The following CNN3 variants were observed in gnomAD, a reference collection of about 807,000 sequenced individuals.
CNN3 encodes the protein calponin 3.
In CNN3, 11 loss-of-function variants were observed where a neutral mutation model predicts 39.0. The observed-to-expected ratio is 0.28, with a 90% CI of 0.18 to 0.47. The LOEUF (loss-of-function observed/expected upper bound fraction) is 0.47. CNN3 is among the 20% of genes least tolerant of loss of function. The probability of loss-of-function intolerance (pLI) is 0.99; values close to 1 mark genes in which losing one functional copy is unlikely to be tolerated. For synonymous variants in CNN3, 101 were observed against 138.3 expected, an observed-to-expected ratio of 0.73 and a Z score of 1.89; for missense variants, 266 against 403.4, an observed-to-expected ratio of 0.66 and a Z score of 2.92.
chr1:94,901,552 ACC>A (rs10605235), intron 5 of CNN3, 115 bp downstream of exon 5: 344,963 of 590,702 alleles, frequency 0.58, 103,423 homozygotes, highest in Non-Finnish European at 0.64. Flanking sequence ...TATAAACTAC[ACC>A]CCCCCCCCAG....
At chr1:94,906,032 G>A (rs923480890) in intron 1 of CNN3, among the ~76,000 whole-genome samples, 5 of 152,084 alleles carry the variant, frequency 3.3e-5, no homozygotes, top group African/African-American at 1.2e-4. Context: ...ACCCAGGCTG[G>A]AGTGCAGTGG....
rs1258668553 is a variant in CNN3 at position 94,902,268 on chromosome 1, A to G, written c.247-10T>C. ...TGCCAATATTCTCCAACTATAAAGAAGAAGAGTTTTATAATTTCTGGAGCT... is the reference window on the plus strand; with the variant it reads ...TGCCAATATTCTCCAACTATAAAGAGGAAGAGTTTTATAATTTCTGGAGCT... On this transcript the variant is annotated splice_polypyrimidine_tract_variant and intron_variant, in intron 3 of 6. Coordinates refer to ENST00000370206, the MANE Select transcript of CNN3 (RefSeq NM_001839.5). 6.2e-7 allele frequency: 1 copy of G among 1,602,942 alleles called. No homozygotes were observed. The highest frequency in any genetic ancestry group is 8.5e-7 in the Non-Finnish European group (1 of 1,173,298).
At chr1:94,902,852 T>C (rs57516521) in intron 3 of CNN3, among the ~76,000 whole-genome samples, 6,507 of 152,216 alleles carry the variant, frequency 0.043, 378 homozygotes, top group African/African-American at 0.13. Flanking sequence ...CTGTGTCAAG[T>C]CCTTTCTGAA....
At chr1:94,904,861 G>A (rs141759541) in intron 1 of CNN3, among the ~76,000 whole-genome samples, 36 of 152,308 alleles carry the variant, frequency 2.4e-4, no homozygotes, top group African/African-American at 7.5e-4. Context: ...ATGCTCAGGA[G>A]ATAGAGATCA....
intron 1 of CNN3, among the ~76,000 whole-genome samples, chr1:94,922,236 G>A (rs9432412): frequency 0.057 from 8,621 of 152,144 alleles, 301 homozygotes; most frequent in South Asian, 0.092. Context: ...GCAACATAGC[G>A]AGATCAAAAA....
At chr1:94,906,896 T>C (rs1671013653) in intron 1 of CNN3, among the ~76,000 whole-genome samples, 1 of 152,238 alleles carries the variant, frequency 6.6e-6, no homozygotes, top group African/African-American at 2.4e-5. Flanking sequence ...CCAACAGATT[T>C]GGTGCCATGC....
chr1:94,925,797 T>G (rs2101746496), intron 1 of CNN3: 1 of 985,394 alleles, frequency 1.0e-6, no homozygotes, highest in Admixed American at 6.1e-5. Flanking sequence ...CAGCCCTCCT[T>G]TGTGGCGCTT....
At chr1:94,925,332 G>C (rs1315826394) in intron 1 of CNN3, among the ~76,000 whole-genome samples, 2 of 152,166 alleles carry the variant, frequency 1.3e-5, no homozygotes, top group African/African-American at 4.8e-5. Flanking sequence ...GTTTCCTAAA[G>C]TTCGGTTTGT....
rs145028297 is a variant in CNN3 at position 94,911,981 on chromosome 1, G to A, written c.58-8457C>T. Among the ~76,000 whole-genome samples, 1,162 of 151,536 alleles carry A rather than the reference G, an allele frequency of 7.7e-3. 18 individuals carry two copies. Among genetic ancestry groups the A allele is most frequent in the African/African-American group, 0.026 (1,077 of 41,278 alleles). ...TCCCAGCTACTGAGGCAGGAGAATCGCTTGAGCCTGGGAGGCGGAGGTTGC... is the reference window on the plus strand; with the variant it reads ...TCCCAGCTACTGAGGCAGGAGAATCACTTGAGCCTGGGAGGCGGAGGTTGC... On this transcript the variant is annotated intron_variant, in intron 1 of 6. Transcript: ENST00000370206.
rs1351687018 is a variant in CNN3, at chr1:94,926,534, G to C, written c.57+304C>G. On this transcript the variant is annotated intron_variant, in intron 1 of 6. Transcript: ENST00000370206. The surrounding 1 kb of genome is among the most constrained non-coding windows in gnomAD (Gnocchi z 4.2). ...GGGCGCGTTCTGCAGTCACCAAACG[G>C]CCCCCGAGACCCCCGCAGCCGGAAA... is the stretch of plus-strand genomic sequence containing the variant. Among the ~76,000 whole-genome samples, 1 of 152,120 alleles carries C rather than the reference G, an allele frequency of 6.6e-6. No individual in the cohort carries two copies. Among genetic ancestry groups the C allele is most frequent in the Non-Finnish European group, 1.5e-5 (1 of 68,000 alleles).
chr1:94,901,973 G>C, intron 4 of CNN3, 148 bp downstream of exon 4: 4 of 757,674 alleles, frequency 5.3e-6, no homozygotes, highest in South Asian at 5.0e-5. Context: ...CGATGCAGCT[G>C]ATGTCAGCAG....
intron 1 of CNN3, among the ~76,000 whole-genome samples, chr1:94,903,831 A>G (rs1349084588): frequency 2.0e-5 from 3 of 152,254 alleles, no homozygotes; most frequent in Non-Finnish European, 4.4e-5. Flanking sequence ...ATTTAATGGT[A>G]TGTTACAATA....
At chr1:94,899,564 T>C in intron 5 of CNN3, 47 bp from the exon 6 acceptor site, 4 of 1,581,780 alleles carry the variant, frequency 2.5e-6, no homozygotes, top group Non-Finnish European at 3.4e-6. Flanking sequence ...ATGTCAACAA[T>C]ATACACAACA....
chr1:94,911,420 A>G (rs1327388522), intron 1 of CNN3, among the ~76,000 whole-genome samples: 1 of 152,218 alleles, frequency 6.6e-6, no homozygotes, highest in Non-Finnish European at 1.5e-5. Context: ...AATGTCTATA[A>G]TCAGGTAAAT....
intron 6 of CNN3, 85 bp downstream of exon 6, chr1:94,899,284 CTA>C (rs1245776137): frequency 7.2e-7 from 1 of 1,388,654 alleles, no homozygotes; most frequent in African/African-American, 1.5e-5. Context: ...TCTAAATAAA[CTA>C]TACAAAAAAT....
chr1:94,915,124 T>G (rs546878989), intron 1 of CNN3, among the ~76,000 whole-genome samples: 1 of 152,330 alleles, frequency 6.6e-6, no homozygotes, highest in East Asian at 1.9e-4. Flanking sequence ...TTAAAAATAT[T>G]CATACTGTGC....
chr1:94,921,889 C>A (rs1378254526), intron 1 of CNN3, among the ~76,000 whole-genome samples: 1 of 152,070 alleles, frequency 6.6e-6, no homozygotes, highest in Non-Finnish European at 1.5e-5. Context: ...TAAAGCAGAC[C>A]AACAGCAATA....
chr1:94,901,616 G>A (rs892587792), intron 5 of CNN3, 53 bp downstream of exon 5: 7 of 1,254,006 alleles, frequency 5.6e-6, no homozygotes, highest in African/African-American at 1.5e-5. Context: ...TTTGCATGGT[G>A]AGAATTAATC....
intron 1 of CNN3, among the ~76,000 whole-genome samples, chr1:94,917,509 C>G (rs957620546): frequency 6.6e-6 from 1 of 152,014 alleles, no homozygotes; most frequent in Non-Finnish European, 1.5e-5. Flanking sequence ...TTACTTTTTT[C>G]TTTTTTTAAC....
Sources: allele counts gnomAD v4.1 joint callset (sites outside exome capture counted in the v4.1 genomes callset), GRCh38; gene constraint gnomAD v4.1.1; non-coding constraint Gnocchi (gnomAD v3.1); transcripts MANE v1.5; gene names NCBI Gene and HGNC (gene_info 2026-07-23, HGNC 2026-07-21).